Variants in ANO4 observed in about 807,000 individuals in gnomAD.
The protein encoded by ANO4 is anoctamin-4.
Under a neutral mutation model 141.9 loss-of-function variants are expected in ANO4, and 69 were observed. The observed-to-expected ratio is 0.49, with a 90% CI of 0.40 to 0.59. The LOEUF (loss-of-function observed/expected upper bound fraction) is 0.59, where lower values mean the gene tolerates loss of function less well. Ranked by LOEUF, ANO4 falls within the 20% of genes least tolerant of loss-of-function variation. The pLI is 0.00. For synonymous variants in ANO4, 350 were observed against 394.3 expected, an observed-to-expected ratio of 0.89 and a Z score of 1.33; for missense variants, 894 against 1,162.2, an observed-to-expected ratio of 0.77 and a Z score of 3.36.
At chr12:101,104,173 A>G (rs1218992948) in intron 22 of ANO4, among the ~76,000 whole-genome samples, 1 of 151,892 alleles carries the variant, frequency 6.6e-6, no homozygotes, top group African/African-American at 2.4e-5. Flanking sequence ...CAAAAGAAAA[A>G]CTAACTTTGG....
intron 1 of ANO4, among the ~76,000 whole-genome samples, chr12:100,866,856 A>G (rs982393407): frequency 6.6e-6 from 1 of 152,192 alleles, no homozygotes; most frequent in African/African-American, 2.4e-5. Flanking sequence ...TACGTTATAC[A>G]AAATACTGTT....
At chr12:100,721,578 G>A (rs748006953) in intron 1 of ANO4, among the ~76,000 whole-genome samples, 1 of 152,178 alleles carries the variant, frequency 6.6e-6, no homozygotes, top group Non-Finnish European at 1.5e-5. Context: ...AGTGGCTAGA[G>A]GTTGAAAGGG....
At chr12:100,832,705 G>A (rs2036692584) in intron 1 of ANO4, among the ~76,000 whole-genome samples, 1 of 152,066 alleles carries the variant, frequency 6.6e-6, no homozygotes. Flanking sequence ...ATTTCAGCTG[G>A]CCACCTGCCA....
chr12:100,902,969 T>C (rs1286135484), intron 2 of ANO4, among the ~76,000 whole-genome samples: 1 of 152,196 alleles, frequency 6.6e-6, no homozygotes, highest in African/African-American at 2.4e-5. Flanking sequence ...ACCTTCAGTC[T>C]ATGAAAAGGC....
chr12:100,933,606 A>C (rs559783633), intron 3 of ANO4, among the ~76,000 whole-genome samples: 1 of 152,226 alleles, frequency 6.6e-6, no homozygotes, highest in Non-Finnish European at 1.5e-5. Context: ...TTATAGTAGC[A>C]TGATTTATAA....
At chr12:100,992,508 A>G (rs2045183241) in intron 8 of ANO4, among the ~76,000 whole-genome samples, 1 of 150,734 alleles carries the variant, frequency 6.6e-6, no homozygotes, top group Non-Finnish European at 1.5e-5. Context: ...AGCTCCAAAG[A>G]CTCCTGCTAT....
At chr12:100,864,036 G>C (rs1401475431) in intron 1 of ANO4, among the ~76,000 whole-genome samples, 1 of 152,108 alleles carries the variant, frequency 6.6e-6, no homozygotes, top group Non-Finnish European at 1.5e-5. Context: ...TTTTCCTCTG[G>C]GTTGGCTTCC....
intron 9 of ANO4, among the ~76,000 whole-genome samples, chr12:101,020,469 T>C (rs1360840019): frequency 6.6e-6 from 1 of 152,102 alleles, no homozygotes; most frequent in African/African-American, 2.4e-5. Flanking sequence ...AAGCAGACAA[T>C]AAACCAATAA....
chr12:100,909,629 A>G (rs887361919), intron 2 of ANO4, among the ~76,000 whole-genome samples: 1 of 152,180 alleles, frequency 6.6e-6, no homozygotes. Context: ...CTCAAAACAC[A>G]TATGGTCTAC....
intron 3 of ANO4, among the ~76,000 whole-genome samples, chr12:100,927,216 T>C (rs1326808335): frequency 6.6e-6 from 1 of 152,066 alleles, no homozygotes; most frequent in Non-Finnish European, 1.5e-5. Context: ...TCTGGATACA[T>C]GAGGCAGGAA....
intron 2 of ANO4, 61 bp from the exon 3 acceptor site, chr12:100,922,165 C>A: frequency 1.6e-6 from 2 of 1,233,050 alleles, no homozygotes; most frequent in Non-Finnish European, 2.2e-6. Flanking sequence ...CTCCTTGGGA[C>A]CCTAATGACA....
chr12:100,891,365 G>A (rs947397648), intron 1 of ANO4, among the ~76,000 whole-genome samples: 2 of 152,196 alleles, frequency 1.3e-5, no homozygotes, highest in African/African-American at 4.8e-5. Flanking sequence ...ATTGTATGGT[G>A]AGAGTAAGTT....
intron 1 of ANO4, among the ~76,000 whole-genome samples, chr12:100,721,851 A>G (rs1011012140): frequency 2.1e-5 from 3 of 142,244 alleles, no homozygotes; most frequent in Non-Finnish European, 4.6e-5. Flanking sequence ...GCTAACTTTT[A>G]ATTTTTTTTT....
At chr12:100,765,707 G>A (rs1228480207) in intron 3 of ANO4, among the ~76,000 whole-genome samples, 1 of 150,022 alleles carries the variant, frequency 6.7e-6, no homozygotes, top group Non-Finnish European at 1.5e-5. Flanking sequence ...AAAAAAAAGA[G>A]TTCTTAGATT....
At chr12:101,102,703 C>G (rs1261644833) in intron 22 of ANO4, among the ~76,000 whole-genome samples, 8 of 151,988 alleles carry the variant, frequency 5.3e-5, no homozygotes, top group Admixed American at 1.3e-4. Flanking sequence ...CAGCTTCATT[C>G]TTCTTCAAAA....
intron 6 of ANO4, among the ~76,000 whole-genome samples, chr12:100,971,808 C>T (rs1180458930): frequency 1.3e-5 from 2 of 151,550 alleles, no homozygotes; most frequent in Non-Finnish European, 2.9e-5. Context: ...AAATGTATTT[C>T]TGTAGATACA....
rs542637110 is a variant in ANO4, at chr12:100,853,761, A to C, written c.-140-47885A>C. Among the ~76,000 whole-genome samples, 2 of 152,278 alleles carry C rather than the reference A, an allele frequency of 1.3e-5. 1 individual carries two copies. Among genetic ancestry groups the C allele is most frequent in the South Asian group, 4.1e-4 (2 of 4,826 alleles). On this transcript the variant is annotated intron_variant, in intron 1 of 27. Coordinates refer to ENST00000392977, the MANE Select transcript of ANO4 (RefSeq NM_001286615.2). Reference sequence around the variant, plus strand: ...AATGTTTTACGTGTATATTTATCAAAGGCTAAAGGTAGTATCTCTGTCCTC... The same window carrying C: ...AATGTTTTACGTGTATATTTATCAACGGCTAAAGGTAGTATCTCTGTCCTC...
At chr12:101,121,433 A>G (rs1005223254) in intron 26 of ANO4, among the ~76,000 whole-genome samples, 23 of 152,210 alleles carry the variant, frequency 1.5e-4, no homozygotes, top group African/African-American at 5.3e-4. Context: ...TTATGGCCAC[A>G]TAGTATTCCA....
chr12:101,070,322 T>C (rs1686595316), intron 14 of ANO4, among the ~76,000 whole-genome samples: 1 of 151,966 alleles, frequency 6.6e-6, no homozygotes, highest in Non-Finnish European at 1.5e-5. Context: ...AAAACAGACA[T>C]ATAGACCAAT....
Sources: allele counts gnomAD v4.1 joint callset (sites outside exome capture counted in the v4.1 genomes callset), GRCh38; gene constraint gnomAD v4.1.1; transcripts MANE v1.5; gene names NCBI Gene and HGNC (gene_info 2026-07-23, HGNC 2026-07-21).